The following HSF1 variants were observed in gnomAD, a reference collection of about 807,000 sequenced individuals.
HSF1 encodes heat shock factor protein 1.
A neutral mutation model predicts 51.7 loss-of-function variants in HSF1; 32 were observed. The ratio of observed to expected loss-of-function variants is 0.62; its 90% CI spans 0.47 to 0.83. HSF1 has a LOEUF of 0.83. Among genes scored for constraint, HSF1 ranks in the 40% least tolerant of loss-of-function variants. The pLI is 0.00. For synonymous variants in HSF1, 396 were observed against 309.7 expected, an observed-to-expected ratio of 1.28 and a Z score of -2.92; for missense variants, 727 against 717.0, an observed-to-expected ratio of 1.01 and a Z score of -0.16.
At chr8:144,302,231 G>A (rs916688465) in intron 1 of HSF1, among the ~76,000 whole-genome samples, 4 of 151,680 alleles carry the variant, frequency 2.6e-5, no homozygotes, top group Non-Finnish European at 5.9e-5. Flanking sequence ...AAGGCAGGCC[G>A]GGCGCCGTGG....
chr8:144,309,104 G>T, intron 2 of HSF1, 90 bp downstream of exon 2: 1 of 1,060,622 alleles, frequency 9.4e-7, no homozygotes, highest in Admixed American at 1.8e-5. Context: ...ATGAAGGACG[G>T]GGCGTCCTGT....
intron 1 of HSF1, among the ~76,000 whole-genome samples, chr8:144,302,267 G>C (rs370503688): frequency 2.0e-4 from 31 of 151,824 alleles, no homozygotes; most frequent in African/African-American, 7.5e-4. Flanking sequence ...CCAGCACTTT[G>C]GGAGACCGAG....
At chr8:144,309,275 TG>T in intron 2 of HSF1, 179 bp from the exon 3 acceptor site, 1 of 787,908 alleles carries the variant, frequency 1.3e-6, no homozygotes, top group Non-Finnish European at 2.0e-6. Flanking sequence ...GGGAGCCCTG[TG>T]GGGACACAGG....
In HSF1 at chr8:144,313,833, C is replaced by A. The variant is rs1156297791; in HGVS notation, c.1249-13C>A. On this transcript the variant is annotated splice_polypyrimidine_tract_variant and intron_variant, in intron 10 of 12. Coordinates refer to ENST00000528838, the MANE Select transcript of HSF1 (RefSeq NM_005526.4). The stretch of plus-strand genomic sequence containing the variant: ...CCCCGGGTGCTGTTCTGACTTCCCT[C>A]CCTCCTCCGCAGCTGTTCAGCCCCT... The A allele has an allele frequency of 1.3e-6, 2 of 1,593,866 alleles. No individual in the cohort carries two copies. Among genetic ancestry groups the A allele is most frequent in the Admixed American group, 3.4e-5 (2 of 58,184 alleles).
intron 9 of HSF1, chr8:144,313,225 T>C (rs1219991296): frequency 2.2e-6 from 1 of 462,140 alleles, no homozygotes; most frequent in East Asian, 3.8e-5. Context: ...CTGATCCTTG[T>C]GCTGGAGCTG....
intron 4 of HSF1, 44 bp from the exon 5 acceptor site, chr8:144,311,130 G>A (rs1554844258): frequency 6.5e-7 from 1 of 1,546,046 alleles, no homozygotes; most frequent in Non-Finnish European, 8.8e-7. Flanking sequence ...CAGCCCTGGG[G>A]CTCATGGGAT....
chr8:144,291,940 G>T lies in HSF1; in HGVS notation c.117+66G>T. 1.2e-6 allele frequency: 1 copy of T among 849,430 alleles called. No homozygotes were observed. Among genetic ancestry groups the T allele is most frequent in the Non-Finnish European group, 1.6e-6 (1 of 607,958 alleles). The allele number at this position is 849,430 out of a possible 1,614,324, so 52.6% of individuals were successfully genotyped here. A position where few individuals can be genotyped will look rare whatever the true frequency, so the allele number is the denominator to read the frequency against. The stretch of plus-strand genomic sequence containing the variant: ...AGGGAGCAGGGCCGCGGCGGACGGC[G>T]CGGGAGGGCTGCGGGGAGGGGCCCT... On this transcript the variant is annotated intron_variant, in intron 1 of 12. Coordinates refer to ENST00000528838, the MANE Select transcript of HSF1 (RefSeq NM_005526.4). The surrounding 1 kb of genome is among the most constrained non-coding windows in gnomAD (Gnocchi z 4.1).
At position 144,314,110 on chromosome 8, in the gene HSF1, C is replaced by T. The variant is rs781793465; in HGVS notation, c.1385-15C>T. ...CCCCCAACCCCCCACCGCCTTGACACCCCCACCCCCGCAGGGAAGCAGCTG... is the reference window on the plus strand; with the variant it reads ...CCCCCAACCCCCCACCGCCTTGACATCCCCACCCCCGCAGGGAAGCAGCTG... On this transcript the variant is annotated splice_polypyrimidine_tract_variant and intron_variant, in intron 12 of 12. Transcript: ENST00000528838. 3.3e-6 allele frequency: 5 copies of T among 1,524,100 alleles called. No homozygotes were observed. The highest frequency in any genetic ancestry group is 4.4e-6 in the Non-Finnish European group (5 of 1,129,694). 94.4% of individuals were successfully genotyped at this position (1,524,100 alleles called of 1,614,324 possible).
rs1554845468 is a variant in HSF1, at chr8:144,313,504, G to A, written c.1143-7G>A. 6.3e-7 allele frequency: 1 copy of A among 1,597,212 alleles called. No individual in the cohort carries two copies. ...ACTGGTTCAGGTACCGCCTTATCCC[G>A]GGCCAGGAATGAGCTCAGTGACCAC... On this transcript the variant is annotated splice_polypyrimidine_tract_variant and splice_region_variant and intron_variant, in intron 9 of 12. Coordinates refer to ENST00000528838, the MANE Select transcript of HSF1 (RefSeq NM_005526.4).
intron 3 of HSF1, 90 bp downstream of exon 3, chr8:144,309,681 C>G: frequency 6.3e-7 from 1 of 1,598,562 alleles, no homozygotes; most frequent in Non-Finnish European, 8.5e-7. Context: ...CCAGCCTGCC[C>G]CTTCCTGAGG....
chr8:144,304,383 C>T (rs1816081476), intron 1 of HSF1, among the ~76,000 whole-genome samples: 3 of 152,198 alleles, frequency 2.0e-5, no homozygotes, highest in East Asian at 1.9e-4. Context: ...CATGAAGTTC[C>T]TCACATTGCT....
In HSF1 at chr8:144,312,166, C is replaced by T. The variant is rs782581562; in HGVS notation, c.1064C>T (p.Thr355Met). ...GCCCTCACGGACGCCAGGGGCCACA[C>T]GGACACCGAGGGCCGGCCTCCCTCC... ...VTALTDARGH[T>M]DTEGRPPSPP... Residue 355 changes from threonine (T) to methionine (M), a missense_variant, in exon 9 of 13, where the codon ACG (threonine) becomes ATG (methionine). Thr to Met is a moderately conservative substitution (Grantham distance 81). Coordinates refer to ENST00000528838, the MANE Select transcript of HSF1 (RefSeq NM_005526.4). 41 of 1,608,808 alleles carry T rather than the reference C, an allele frequency of 2.5e-5. 2 individuals are homozygous for T. The highest frequency in any genetic ancestry group is 2.5e-4 in the South Asian group (23 of 91,004).
At chr8:144,313,180 A>T (rs899984469) in intron 9 of HSF1, 3 of 393,372 alleles carry the variant, frequency 7.6e-6, no homozygotes, top group African/African-American at 6.1e-5. Context: ...TCCCAGTGCA[A>T]CGGGAAACCT....
In HSF1 at chr8:144,309,532, C is replaced by G; in HGVS notation, c.304C>G (p.Pro102Ala). The change falls in exon 3 of 13, where the codon CCA becomes GCA. Residue 102 changes from proline to alanine, a missense_variant. Pro to Ala is a conservative substitution (Grantham distance 27). Around this residue, in one of 2 missense-constraint regions of HSF1, gnomAD observed 257 missense variants for 318.3 expected, o/e 0.81. Transcript: ENST00000528838. ...GAGAGACGACACGGAGTTCCAGCACCCATGCTTCCTGCGTGGCCAGGAGCA... is the reference window on the plus strand; with the variant it reads ...GAGAGACGACACGGAGTTCCAGCACGCATGCTTCCTGCGTGGCCAGGAGCA... ...PERDDTEFQH[P>A]CFLRGQEQLL... 6.2e-7 allele frequency: 1 copy of G among 1,614,086 alleles called. No homozygotes were observed. The highest frequency in any genetic ancestry group is 8.5e-7 in the Non-Finnish European group (1 of 1,180,010).
At position 144,291,805 on chromosome 8, in the gene HSF1, G is replaced by C; in HGVS notation, c.48G>C (p.Pro16=). The C allele has an allele frequency of 6.5e-7, 1 of 1,538,220 alleles. No individual in the cohort carries two copies. The highest frequency in any genetic ancestry group is 8.7e-7 in the Non-Finnish European group (1 of 1,145,414). The change falls in exon 1 of 13, where the codon CCG becomes CCC. Residue 16 remains proline (P), a synonymous_variant. Coordinates refer to ENST00000528838, the MANE Select transcript of HSF1 (RefSeq NM_005526.4). This position sits in a 1 kb window ranked among gnomAD's most constrained non-coding sequence, Gnocchi z 4.1. ...GCGCGGCGGGGCCCAGCAACGTCCCGGCCTTCCTGACCAAGCTGTGGACCC... is the reference window on the plus strand; with the variant it reads ...GCGCGGCGGGGCCCAGCAACGTCCCCGCCTTCCTGACCAAGCTGTGGACCC... ...GPGAAGPSNV[P]AFLTKLWTLV...
rs1045580727 is a variant in HSF1 at position 144,297,008 on chromosome 8, G to A, written c.117+5134G>A. Among the ~76,000 whole-genome samples, 2 of 152,204 alleles carry A rather than the reference G, an allele frequency of 1.3e-5. No homozygotes were observed. The highest frequency in any genetic ancestry group is 2.1e-4 in the South Asian group (1 of 4,828). On this transcript the variant is annotated intron_variant, in intron 1 of 12. Coordinates refer to ENST00000528838, the MANE Select transcript of HSF1 (RefSeq NM_005526.4). The surrounding 1 kb of genome is among the most constrained non-coding windows in gnomAD (Gnocchi z 4.6). ...CTCCTGGGGGGAGGCAGATGCCTCC[G>A]GTGCCCCATGCCCACCCAACTCCAC...
chr8:144,294,252 A>G (rs1484200531), intron 1 of HSF1, among the ~76,000 whole-genome samples: 1 of 152,062 alleles, frequency 6.6e-6, no homozygotes, highest in Non-Finnish European at 1.5e-5. Flanking sequence ...TGGCCTGGAG[A>G]AAGGAGGTGA....
intron 1 of HSF1, among the ~76,000 whole-genome samples, chr8:144,307,721 G>C (rs957110260): frequency 3.9e-5 from 6 of 152,108 alleles, no homozygotes; most frequent in Non-Finnish European, 5.9e-5. Flanking sequence ...CGCTTGAACT[G>C]GGATGCAGAG....
intron 1 of HSF1, among the ~76,000 whole-genome samples, chr8:144,295,994 T>C (rs1815427683): frequency 6.6e-6 from 1 of 152,122 alleles, no homozygotes; most frequent in African/African-American, 2.4e-5. Context: ...GGAAAGACTC[T>C]AGAAGGATGT....
Sources: allele counts gnomAD v4.1 joint callset (sites outside exome capture counted in the v4.1 genomes callset), GRCh38; gene constraint gnomAD v4.1.1; regional missense constraint gnomAD v4.1.1; non-coding constraint Gnocchi (gnomAD v3.1); transcripts MANE v1.5; gene names NCBI Gene and HGNC (gene_info 2026-07-23, HGNC 2026-07-21).